MECOM: variants seen among roughly 807,000 people sequenced by gnomAD.
The protein encoded by MECOM is histone-lysine N-methyltransferase MECOM.
Under a neutral mutation model 116.3 loss-of-function variants are expected in MECOM, and 13 were observed. The observed-to-expected ratio is 0.11, with a 90% CI of 0.07 to 0.18. The LOEUF is 0.18. Among genes scored for constraint, MECOM ranks in the 10% least tolerant of loss-of-function variants. The probability of loss-of-function intolerance (pLI) is 1.00; values close to 1 mark genes in which losing one functional copy is unlikely to be tolerated. For synonymous variants in MECOM, 528 were observed against 535.2 expected (o/e 0.99, Z 0.19); for missense variants, 1,299 against 1,509.0 (o/e 0.86, Z 2.31).
At chr3:169,612,630 G>C (rs1225042017) in intron 1 of MECOM, among the ~76,000 whole-genome samples, 1 of 151,808 alleles carries the variant, frequency 6.6e-6, no homozygotes, top group Admixed American at 6.6e-5. Context: ...CTTTTTTTAT[G>C]TGCTTATTTT....
intron 9 of MECOM, among the ~76,000 whole-genome samples, chr3:169,110,824 C>A (rs955073405): frequency 6.6e-6 from 1 of 152,142 alleles, no homozygotes; most frequent in Non-Finnish European, 1.5e-5. Context: ...TACACCAAGA[C>A]GTGACATTCT....
intron 2 of MECOM, among the ~76,000 whole-genome samples, chr3:169,259,405 A>G (rs1328508919): frequency 4.6e-5 from 7 of 152,118 alleles, no homozygotes; most frequent in East Asian, 1.9e-4. Context: ...TCTGGATTCT[A>G]TTAGGATCAT....
chr3:169,510,763 A>G (rs572366121), intron 1 of MECOM, among the ~76,000 whole-genome samples: 11 of 152,186 alleles, frequency 7.2e-5, no homozygotes, highest in Non-Finnish European at 1.5e-4. Flanking sequence ...GGTCACTGGA[A>G]TATCTAATCT....
At chr3:169,626,935 G>A (rs906690147) in intron 1 of MECOM, among the ~76,000 whole-genome samples, 1 of 151,684 alleles carries the variant, frequency 6.6e-6, no homozygotes, top group African/African-American at 2.4e-5. Flanking sequence ...TCTTACCCCA[G>A]TGAGTACACA....
rs1422451955 is a variant in MECOM, at chr3:169,115,989, T to G, written c.1883A>C (p.Asn628Thr). 21 of 1,614,088 alleles carry G rather than the reference T, an allele frequency of 1.3e-5. No individual in the cohort carries two copies. Among genetic ancestry groups the G allele is most frequent in the Non-Finnish European group, 1.8e-5 (21 of 1,180,044 alleles). The change falls in exon 8 of 17, where the codon AAT becomes ACT. Residue 628 changes from asparagine (N) to threonine (T), a missense_variant. Physicochemically the swap from Asn to Thr is moderately conservative, Grantham distance 65. Coordinates refer to ENST00000651503, the MANE Select transcript of MECOM (RefSeq NM_004991.4). ...MFKDKVSPLQNLASINNKKEY... is the reference protein window; with the variant it reads ...MFKDKVSPLQTLASINNKKEY... ...TTTCTTATTATTTATTGAAGCCAGA[T>G]TCTGAAGAGGGCTTACTTTGTCTTT...
chr3:169,310,983 G>A (rs946610650), intron 2 of MECOM, among the ~76,000 whole-genome samples: 1 of 152,192 alleles, frequency 6.6e-6, no homozygotes, highest in Non-Finnish European at 1.5e-5. Context: ...GGAGACATCT[G>A]ATTAAGAAGA....
chr3:169,565,012 G>A (rs1351584479), intron 1 of MECOM, among the ~76,000 whole-genome samples: 4 of 152,120 alleles, frequency 2.6e-5, no homozygotes, highest in Admixed American at 6.6e-5. Context: ...TCTTTTATGC[G>A]CCTCTCATTT....
intron 1 of MECOM, among the ~76,000 whole-genome samples, chr3:169,643,024 T>C (rs1183724836): frequency 6.6e-6 from 1 of 151,930 alleles, no homozygotes; most frequent in Non-Finnish European, 1.5e-5. Flanking sequence ...GAAAAGAGAG[T>C]CAGGGCTGCA....
At position 169,199,784 on chromosome 3, in the gene MECOM, G is replaced by C. The variant is rs369472846; in HGVS notation, c.376-55952C>G. Among the ~76,000 whole-genome samples the C allele has an allele frequency of 4.6e-5, 7 of 152,158 alleles. No homozygotes were observed. In the South Asian group the frequency reaches 8.3e-4, roughly 18 times the overall value. On this transcript the variant is annotated intron_variant, in intron 2 of 16. Transcript: ENST00000651503. ...TTGTACCAAAGGGATTAGATAAGTT[G>C]AGACCATAGTTTCATCCTAGCGTTA...
At chr3:169,488,775 G>A (rs1000871883) in intron 1 of MECOM, among the ~76,000 whole-genome samples, 4 of 151,642 alleles carry the variant, frequency 2.6e-5, no homozygotes, top group African/African-American at 9.7e-5. Context: ...AAATAATATT[G>A]ACAACATTAT....
chr3:169,170,612 T>G (rs924939011), intron 2 of MECOM, among the ~76,000 whole-genome samples: 8 of 152,126 alleles, frequency 5.3e-5, no homozygotes, highest in Admixed American at 4.6e-4. Flanking sequence ...AGAACTATGT[T>G]TTTTTTCTCT....
At chr3:169,360,100 G>T (rs1252349037) in intron 2 of MECOM, among the ~76,000 whole-genome samples, 1 of 151,454 alleles carries the variant, frequency 6.6e-6, no homozygotes, top group Non-Finnish European at 1.5e-5. Context: ...TTGGGCTACT[G>T]TTACTTTCAA....
rs1280236562 is a variant in MECOM, at chr3:169,310,186, G to GA, written c.375+71000dup. On this transcript the variant is annotated intron_variant, in intron 2 of 16. Transcript: ENST00000651503. ...GATTAAAGACATTTTTTCCCAATTA[G>GA]AAAAAATCCATAATTCTTTTTCACA... is the stretch of plus-strand genomic sequence containing the variant. Among the ~76,000 whole-genome samples, 15 of 152,108 alleles carry GA rather than the reference G, an allele frequency of 9.9e-5. No individual in the cohort carries two copies. The Middle Eastern group carries it at 0.014, about 138-fold the overall frequency.
chr3:169,114,328 T>G (rs1280540492), intron 8 of MECOM, among the ~76,000 whole-genome samples: 1 of 152,176 alleles, frequency 6.6e-6, no homozygotes, highest in Admixed American at 6.5e-5. Flanking sequence ...TTTATCATAT[T>G]CAAACGAGGG....
intron 1 of MECOM, among the ~76,000 whole-genome samples, chr3:169,488,922 T>TA (rs1019899601): frequency 5.3e-5 from 8 of 151,460 alleles, no homozygotes; most frequent in East Asian, 1.9e-4. Flanking sequence ...TGAACAGAAT[T>TA]AAAAAAAACA....
At chr3:169,556,434 A>T (rs1762040313) in intron 1 of MECOM, among the ~76,000 whole-genome samples, 3 of 152,170 alleles carry the variant, frequency 2.0e-5, no homozygotes, top group Admixed American at 2.0e-4. Context: ...TCTGTAATGA[A>T]ATATTTCAAG....
At chr3:169,471,055 C>A (rs1749145463) in intron 1 of MECOM, among the ~76,000 whole-genome samples, 1 of 152,062 alleles carries the variant, frequency 6.6e-6, no homozygotes, top group Non-Finnish European at 1.5e-5. Context: ...CTTCTCCACA[C>A]AACTTCCCCA....
intron 1 of MECOM, among the ~76,000 whole-genome samples, chr3:169,502,774 G>T (rs1754688266): frequency 6.6e-6 from 1 of 152,048 alleles, no homozygotes; most frequent in African/African-American, 2.4e-5. Context: ...TTTAATTTTG[G>T]ATAGTTATAA....
chr3:169,465,972 G>A (rs77912220), intron 1 of MECOM, among the ~76,000 whole-genome samples: 1 of 152,130 alleles, frequency 6.6e-6, no homozygotes, highest in Non-Finnish European at 1.5e-5. Context: ...GAACCATGAT[G>A]AAGTCATGGT....
Sources: gnomAD v4.1 joint callset for allele counts (sites outside exome capture counted in the v4.1 genomes callset) on GRCh38, gnomAD v4.1.1 for gene constraint, MANE v1.5 for transcripts, NCBI Gene and HGNC (gene_info 2026-07-23, HGNC 2026-07-21) for gene names.